RPRD2: variants seen among roughly 807,000 people sequenced by gnomAD.
The protein encoded by RPRD2 is regulation of nuclear pre-mRNA domain-containing protein 2.
RPRD2 carries 12 observed loss-of-function variants against 104.4 expected under a neutral mutation model. The ratio of observed to expected loss-of-function variants is 0.11; its 90% CI spans 0.07 to 0.19. RPRD2 has a LOEUF of 0.19. Among genes scored for constraint, RPRD2 ranks in the 10% least tolerant of loss-of-function variants. The probability of loss-of-function intolerance (pLI) is 1.00; values close to 1 mark genes in which losing one functional copy is unlikely to be tolerated. For missense variants in RPRD2, 1,543 were observed against 1,790.1 expected, an observed-to-expected ratio of 0.86 and a Z score of 2.49; for synonymous variants, 714 against 684.9, an observed-to-expected ratio of 1.04 and a Z score of -0.66.
At chr1:150,449,428 A>G (rs971105192) in intron 7 of RPRD2, among the ~76,000 whole-genome samples, 5 of 151,806 alleles carry the variant, frequency 3.3e-5, no homozygotes, top group Admixed American at 1.3e-4. Context: ...TATTTGTCCT[A>G]TGTGTCCTTT....
chr1:150,391,268 A>G (rs1662042021), intron 1 of RPRD2, among the ~76,000 whole-genome samples: 1 of 152,120 alleles, frequency 6.6e-6, no homozygotes, highest in Admixed American at 6.6e-5. Context: ...CCATAAAGAC[A>G]AAAGCTAGAA....
chr1:150,430,309 AAG>A (rs1326610134), intron 2 of RPRD2, among the ~76,000 whole-genome samples: 3 of 152,204 alleles, frequency 2.0e-5, no homozygotes, highest in African/African-American at 7.2e-5. Flanking sequence ...GAACTCTTGA[AAG>A]AGAATACGCA....
At chr1:150,405,582 C>T (rs1663407108) in intron 1 of RPRD2, among the ~76,000 whole-genome samples, 1 of 152,122 alleles carries the variant, frequency 6.6e-6, no homozygotes, top group African/African-American at 2.4e-5. Context: ...GTTTCTCTCT[C>T]TCTCATCATC....
At chr1:150,378,018 CA>C (rs1660851775) in intron 1 of RPRD2, among the ~76,000 whole-genome samples, 1 of 151,994 alleles carries the variant, frequency 6.6e-6, no homozygotes. Flanking sequence ...TTTATATAAG[CA>C]GAAGTCACGT....
intron 1 of RPRD2, among the ~76,000 whole-genome samples, chr1:150,405,507 G>GT (rs1189944303): frequency 5.3e-5 from 8 of 152,162 alleles, no homozygotes; most frequent in Admixed American, 1.3e-4. Flanking sequence ...TATTAAGAGA[G>GT]TAAATCAGCT....
At chr1:150,456,447 T>G (rs1287722482) in intron 7 of RPRD2, among the ~76,000 whole-genome samples, 1 of 151,996 alleles carries the variant, frequency 6.6e-6, no homozygotes, top group African/African-American at 2.4e-5. Context: ...GCAATGTACG[T>G]GATTAATAAT....
chr1:150,468,326 A>G (rs1286736811), intron 10 of RPRD2, among the ~76,000 whole-genome samples: 1 of 150,442 alleles, frequency 6.6e-6, no homozygotes, highest in African/African-American at 2.5e-5. Flanking sequence ...CCCTATCTCT[A>G]TTGTTTTTAA....
intron 1 of RPRD2, among the ~76,000 whole-genome samples, chr1:150,367,587 C>CTAAT (rs1440796617): frequency 7.9e-5 from 12 of 151,830 alleles, no homozygotes; most frequent in African/African-American, 2.9e-4. Flanking sequence ...ATTTAAGTAA[C>CTAAT]TATTAGATTC....
chr1:150,421,450 T>C (rs939235151), intron 2 of RPRD2, among the ~76,000 whole-genome samples: 14 of 152,176 alleles, frequency 9.2e-5, no homozygotes, highest in Non-Finnish European at 1.8e-4. Context: ...TAATATGTTA[T>C]TTATACTCTG....
At chr1:150,399,986 G>A (rs377105735) in intron 1 of RPRD2, among the ~76,000 whole-genome samples, 104 of 152,240 alleles carry the variant, frequency 6.8e-4, no homozygotes, top group African/African-American at 2.4e-3. Flanking sequence ...TAATTTGGGG[G>A]CAGAATTGTT....
chr1:150,434,219 G>C lies in RPRD2; in HGVS notation c.336-6704G>C, dbSNP rs587652674. ...AAAATACAAAAATTAGCTGGGCATG[G>C]TGGTGTATGCCTTGTAATCCCAGCT... On this transcript the variant is annotated intron_variant, in intron 2 of 10. Coordinates refer to ENST00000369068, the MANE Select transcript of RPRD2 (RefSeq NM_015203.5). 4.6e-5 allele frequency among the ~76,000 whole-genome samples: 7 copies of C among 152,230 alleles called. 1 individual carries two copies. In the South Asian group the frequency reaches 1.5e-3, roughly 32 times the overall value.
At chr1:150,433,364 CCTCT>C (rs1259285423) in intron 2 of RPRD2, among the ~76,000 whole-genome samples, 37 of 148,300 alleles carry the variant, frequency 2.5e-4, no homozygotes, top group African/African-American at 8.9e-4. Flanking sequence ...ACAGACAGAC[CCTCT>C]CTCTCTCTGT....
In RPRD2 at chr1:150,470,666, T is replaced by A. The variant is rs749333499; in HGVS notation, c.1718T>A (p.Ile573Lys). 1 of 1,614,008 alleles carries A rather than the reference T, an allele frequency of 6.2e-7. No homozygotes were observed. Among genetic ancestry groups the A allele is most frequent in the South Asian group, 1.1e-5 (1 of 91,082 alleles). Residue 573 changes from isoleucine (I) to lysine (K), a missense_variant, in exon 11 of 11, where the codon ATA (isoleucine) becomes AAA (lysine). Transcript: ENST00000369068. ...CCTGCCAACACCACAGTCTCTACCA[T>A]AAAGGGAAGAAATCTGCCCTCCAGT... ...ASPANTTVST[I>K]KGRNLPSSAQ...
At chr1:150,453,648 G>A (rs1211701352) in intron 7 of RPRD2, among the ~76,000 whole-genome samples, 4 of 152,262 alleles carry the variant, frequency 2.6e-5, no homozygotes, top group South Asian at 4.1e-4. Flanking sequence ...CACCTGTTAC[G>A]GGTATGTTAG....
At chr1:150,402,288 G>C (rs1221217040) in intron 1 of RPRD2, among the ~76,000 whole-genome samples, 1 of 152,150 alleles carries the variant, frequency 6.6e-6, no homozygotes, top group Non-Finnish European at 1.5e-5. Flanking sequence ...TCAAACATTT[G>C]CATACCTATC....
intron 1 of RPRD2, among the ~76,000 whole-genome samples, chr1:150,406,203 T>G (rs1663459663): frequency 6.6e-6 from 1 of 152,150 alleles, no homozygotes; most frequent in African/African-American, 2.4e-5. Flanking sequence ...GGGCATTAAA[T>G]TTTTGGTGGA....
At chr1:150,381,915 T>C (rs1661165994) in intron 1 of RPRD2, among the ~76,000 whole-genome samples, 1 of 152,170 alleles carries the variant, frequency 6.6e-6, no homozygotes, top group Non-Finnish European at 1.5e-5. Flanking sequence ...AAATAGACAT[T>C]ATGGTTGCTA....
At position 150,472,459 on chromosome 1, in the gene RPRD2, G is replaced by A; in HGVS notation, c.3511G>A (p.Ala1171Thr). The A allele has an allele frequency of 6.2e-7, 1 of 1,613,976 alleles. No individual in the cohort carries two copies. ...GFKTAPYKERAPQFQESVGSF... is the reference protein window; with the variant it reads ...GFKTAPYKERTPQFQESVGSF... ...TAAAACAGCACCATACAAGGAACGG[G>A]CACCTCAATTTCAGGAGAGTGTCGG... Residue 1171 changes from alanine (A) to threonine (T), a missense_variant, in exon 11 of 11, where the codon GCA (alanine) becomes ACA (threonine). Physicochemically the swap from Ala to Thr is moderately conservative, Grantham distance 58. This residue lies in a region of RPRD2 where 880 missense variants were observed against 885.6 expected (regional missense o/e 0.99). Transcript: ENST00000369068.
rs1477322178 is a variant in RPRD2, at chr1:150,364,365, T to C, written c.-350T>C. ...CCTTAGCACTGAGAGCCGAAAAGTA[T>C]AAAACGATTAGTTTCGGCGTCAGGC... On this transcript the variant is annotated 5_prime_UTR_variant, in exon 1 of 11. Coordinates refer to ENST00000369068, the MANE Select transcript of RPRD2 (RefSeq NM_015203.5). Among the ~76,000 whole-genome samples the C allele has an allele frequency of 6.6e-6, 1 of 152,178 alleles. No homozygotes were observed. The highest frequency in any genetic ancestry group is 2.4e-5 in the African/African-American group (1 of 41,430).
Sources: gnomAD v4.1 joint callset for allele counts (sites outside exome capture counted in the v4.1 genomes callset) on GRCh38, gnomAD v4.1.1 for gene constraint, gnomAD v4.1.1 regional missense constraint, MANE v1.5 for transcripts, NCBI Gene and HGNC (gene_info 2026-07-23, HGNC 2026-07-21) for gene names.